PHACTR1: variants seen among roughly 807,000 people sequenced by gnomAD.
PHACTR1 encodes RPEL repeat containing 1.
A neutral mutation model predicts 69.2 loss-of-function variants in PHACTR1; 16 were observed. The observed-to-expected ratio is 0.23, with a 90% CI of 0.16 to 0.35. The LOEUF is 0.35. PHACTR1 is among the 10% of genes least tolerant of loss of function. PHACTR1 has a pLI of 1.00. For synonymous variants in PHACTR1, 312 were observed against 284.5 expected (o/e 1.10, Z -0.97); for missense variants, 510 against 734.7 (o/e 0.69, Z 3.54).
intron 4 of PHACTR1, among the ~76,000 whole-genome samples, chr6:13,026,165 C>T (rs1801666701): frequency 6.6e-6 from 1 of 152,122 alleles, no homozygotes; most frequent in African/African-American, 2.4e-5. Flanking sequence ...GGAGAATTTC[C>T]ACCATGATTT....
chr6:13,036,984 G>T (rs1243125081), intron 4 of PHACTR1, among the ~76,000 whole-genome samples: 1 of 152,168 alleles, frequency 6.6e-6, no homozygotes, highest in Non-Finnish European at 1.5e-5. Flanking sequence ...ATGGAGGGTA[G>T]GGTCATATCA....
At chr6:13,195,492 C>T (rs1050148964) in intron 7 of PHACTR1, among the ~76,000 whole-genome samples, 1 of 151,978 alleles carries the variant, frequency 6.6e-6, no homozygotes, top group African/African-American at 2.4e-5. Context: ...CGCGGTGGCT[C>T]ATGCCTGTAA....
chr6:13,227,041 GC>G (rs58493663), intron 8 of PHACTR1, among the ~76,000 whole-genome samples: 7,789 of 152,160 alleles, frequency 0.051, 343 homozygotes, highest in African/African-American at 0.11. Flanking sequence ...CAGCAGTATA[GC>G]TTTTTTAGTT....
In PHACTR1 at chr6:12,746,240, A is replaced by G. The variant is rs558254099; in HGVS notation, c.104-3404A>G. Among the ~76,000 whole-genome samples, 3 of 152,386 alleles carry G rather than the reference A, an allele frequency of 2.0e-5. No homozygotes were observed. The South Asian group carries it at 6.2e-4, about 32-fold the overall frequency. On this transcript the variant is annotated intron_variant, in intron 3 of 14. Coordinates refer to ENST00000332995, the MANE Select transcript of PHACTR1 (RefSeq NM_030948.6). ...TAACAATTAGAAATAAAAATGTGAT[A>G]AAAGAATTCAAGGCTGGACACAATG...
chr6:12,940,518 T>A lies in PHACTR1; in HGVS notation c.251-112847T>A, dbSNP rs562012211. 1.2e-4 allele frequency among the ~76,000 whole-genome samples: 18 copies of A among 152,272 alleles called. No homozygotes were observed. The South Asian group carries it at 3.5e-3, about 30-fold the overall frequency. On this transcript the variant is annotated intron_variant, in intron 4 of 14. Transcript: ENST00000332995. ...TGCTTTATGATGTTTGCCCCAGAAG[T>A]CAGTTGAGAATTCGTAATAGATGAA...
chr6:12,989,902 G>A (rs1206245396), intron 4 of PHACTR1, among the ~76,000 whole-genome samples: 1 of 152,180 alleles, frequency 6.6e-6, no homozygotes, highest in Non-Finnish European at 1.5e-5. Context: ...GTGGGAGAAG[G>A]CTTAACTAGG....
intron 4 of PHACTR1, among the ~76,000 whole-genome samples, chr6:12,879,638 C>G (rs1188995470): frequency 6.6e-6 from 1 of 152,132 alleles, no homozygotes; most frequent in Non-Finnish European, 1.5e-5. Context: ...ATATCAATAG[C>G]CAACACATAT....
intron 10 of PHACTR1, among the ~76,000 whole-genome samples, chr6:13,271,111 C>T (rs566141600): frequency 5.9e-4 from 90 of 151,504 alleles, no homozygotes; most frequent in African/African-American, 2.0e-3. Context: ...CAGGTTCAAG[C>T]GATTCTCCTG....
At chr6:13,114,076 C>A (rs996728830) in intron 5 of PHACTR1, among the ~76,000 whole-genome samples, 2 of 152,156 alleles carry the variant, frequency 1.3e-5, no homozygotes, top group Non-Finnish European at 2.9e-5. Context: ...TAGCTGAATG[C>A]ACACAGGTTG....
intron 4 of PHACTR1, among the ~76,000 whole-genome samples, chr6:12,983,500 A>G (rs933116916): frequency 6.6e-6 from 1 of 152,182 alleles, no homozygotes; most frequent in African/African-American, 2.4e-5. Flanking sequence ...TGTTAAGTAG[A>G]GGGTAGGAAT....
At chr6:12,937,783 A>G (rs1789627148) in intron 4 of PHACTR1, among the ~76,000 whole-genome samples, 1 of 152,128 alleles carries the variant, frequency 6.6e-6, no homozygotes, top group South Asian at 2.1e-4. Context: ...AATTTTATGA[A>G]AACACAATGC....
chr6:13,090,883 C>T (rs992605953), intron 5 of PHACTR1, among the ~76,000 whole-genome samples: 1 of 152,126 alleles, frequency 6.6e-6, no homozygotes, highest in East Asian at 1.9e-4. Flanking sequence ...ATGATTTAAG[C>T]ACATTACATT....
chr6:13,214,961 A>T (rs1171867111), intron 8 of PHACTR1, among the ~76,000 whole-genome samples: 1 of 152,214 alleles, frequency 6.6e-6, no homozygotes, highest in South Asian at 2.1e-4. Flanking sequence ...ATGAAAAAAT[A>T]AATACGTTTC....
chr6:13,260,630 A>G (rs945837057), intron 10 of PHACTR1, among the ~76,000 whole-genome samples: 4 of 152,304 alleles, frequency 2.6e-5, no homozygotes, highest in Admixed American at 2.0e-4. Context: ...GTCTCATTCA[A>G]GATCTCACAC....
chr6:12,957,175 C>T (rs980817191), intron 4 of PHACTR1, among the ~76,000 whole-genome samples: 1 of 151,382 alleles, frequency 6.6e-6, no homozygotes, highest in Non-Finnish European at 1.5e-5. Context: ...AATGGAACTG[C>T]CCTGAGTCAG....
chr6:12,740,886 A>G (rs911654315), intron 3 of PHACTR1, among the ~76,000 whole-genome samples: 2 of 151,900 alleles, frequency 1.3e-5, no homozygotes, highest in Admixed American at 6.5e-5. Context: ...GATGATTCAT[A>G]TCTTTTTTTA....
At chr6:12,989,155 A>G (rs988206540) in intron 4 of PHACTR1, among the ~76,000 whole-genome samples, 6 of 152,240 alleles carry the variant, frequency 3.9e-5, no homozygotes, top group Admixed American at 6.5e-5. Flanking sequence ...CTAATACAAA[A>G]GGTGACTTTC....
At chr6:13,167,187 A>G (rs1264984684) in intron 6 of PHACTR1, among the ~76,000 whole-genome samples, 1 of 152,208 alleles carries the variant, frequency 6.6e-6, no homozygotes, top group Non-Finnish European at 1.5e-5. Context: ...GGCTATGCAC[A>G]TTGGTTATCT....
chr6:12,840,727 G>A (rs768478246), intron 4 of PHACTR1, among the ~76,000 whole-genome samples: 2 of 152,164 alleles, frequency 1.3e-5, no homozygotes, highest in Non-Finnish European at 2.9e-5. Context: ...CAAAAGGAAA[G>A]TACATAGGTC....
Sources: gnomAD v4.1 joint callset for allele counts (sites outside exome capture counted in the v4.1 genomes callset) on GRCh38, gnomAD v4.1.1 for gene constraint, MANE v1.5 for transcripts, NCBI Gene and HGNC (gene_info 2026-07-23, HGNC 2026-07-21) for gene names.